ZNF506: variants seen among roughly 807,000 people sequenced by gnomAD.
ZNF506 encodes zinc finger protein 506.
Under a neutral mutation model 11.6 loss-of-function variants are expected in ZNF506, and 10 were observed. The ratio of observed to expected loss-of-function variants is 0.86; its 90% CI spans 0.53 to 1.46. The LOEUF (loss-of-function observed/expected upper bound fraction) is 1.46. Ranked by LOEUF, ZNF506 falls within the 40% of genes most tolerant of loss-of-function variation. The probability of loss-of-function intolerance (pLI) is 0.00; values close to 1 mark genes in which losing one functional copy is unlikely to be tolerated. For synonymous variants in ZNF506, 156 were observed against 173.3 expected (o/e 0.90, Z 0.78); for missense variants, 425 against 521.2 (o/e 0.82, Z 1.80).
In ZNF506 at chr19:19,795,356, T is replaced by C. The variant is rs2062731552; in HGVS notation, c.531A>G (p.Glu177=). 1 of 1,610,136 alleles carries C rather than the reference T, an allele frequency of 6.2e-7. No homozygotes were observed. Among genetic ancestry groups the C allele is most frequent in the African/African-American group, 1.3e-5 (1 of 74,710 alleles). The change falls in exon 4 of 4, where the codon GAA becomes GAG. Residue 177 remains glutamate (E), a synonymous_variant. Transcript: ENST00000540806. ...DTGKKSFKCI[E]YGKTFNQSST... is the part of the protein sequence containing the mutation. ...AAGACTGGTTAAAAGTTTTCCCATATTCTATACATTTAAAAGATTTTTTTC... is the reference window on the plus strand; with the variant it reads ...AAGACTGGTTAAAAGTTTTCCCATACTCTATACATTTAAAAGATTTTTTTC...
At chr19:19,800,391 A>AATATATATATATATATTTATTTATAT (rs1460340025) in intron 3 of ZNF506, among the ~76,000 whole-genome samples, 2 of 139,244 alleles carry the variant, frequency 1.4e-5, no homozygotes, top group Admixed American at 7.3e-5. Context: ...AACTAAACAG[A>AATATATATATATATATTTATTTATAT]ATATATATAT....
Position 19,813,574 on chromosome 19 carries a change from A to G in ZNF506, c.4-6506T>C, listed in dbSNP as rs181929174. 2.3e-4 allele frequency among the ~76,000 whole-genome samples: 35 copies of G among 151,062 alleles called. No individual in the cohort carries two copies. In the East Asian group the frequency reaches 6.5e-3, roughly 28 times the overall value. On this transcript the variant is annotated intron_variant, in intron 1 of 3. Coordinates refer to ENST00000540806, the MANE Select transcript of ZNF506 (RefSeq NM_001099269.3). ...GTATATACCCAAAGAAATATAAATTATATTATAAAGACACATCCACATGCA... is the reference window on the plus strand; with the variant it reads ...GTATATACCCAAAGAAATATAAATTGTATTATAAAGACACATCCACATGCA...
intron 2 of ZNF506, 98 bp from the exon 3 acceptor site, chr19:19,806,224 T>C: frequency 1.2e-6 from 1 of 856,414 alleles, no homozygotes; most frequent in Non-Finnish European, 1.6e-6. Context: ...AGTATTCTAG[T>C]AAATTAATAC....
chr19:19,808,630 A>C (rs1272533817), intron 1 of ZNF506, among the ~76,000 whole-genome samples: 1 of 151,300 alleles, frequency 6.6e-6, no homozygotes, highest in Non-Finnish European at 1.5e-5. Context: ...GCGGATCACG[A>C]GGTCATGAGT....
rs543566213 is a variant in ZNF506, at chr19:19,794,317, CAA to C, written c.*233_*234del. On this transcript the variant is annotated 3_prime_UTR_variant, in exon 4 of 4. Coordinates refer to ENST00000540806, the MANE Select transcript of ZNF506 (RefSeq NM_001099269.3). ...AAGAGTGAAACTCCATCTCAAAAAA[CAA>C]AAAGAGTTGACAGGTTGTTATAGGC... 207 of 378,482 alleles carry C rather than the reference CAA, an allele frequency of 5.5e-4. No individual in the cohort carries two copies. The highest frequency in any genetic ancestry group is 3.8e-3 in the African/African-American group (183 of 47,942). The allele number at this position is 378,482 out of a possible 1,614,324, so 23.4% of individuals were successfully genotyped here.
rs757160026 is a variant in ZNF506 at position 19,808,108 on chromosome 19, CTTTTTTTTTTTTTTTT to C, written c.4-1056_4-1041del. On this transcript the variant is annotated intron_variant, in intron 1 of 3. Coordinates refer to ENST00000540806, the MANE Select transcript of ZNF506 (RefSeq NM_001099269.3). ...ACTTAACCAAGTGAATCATTAACCA[CTTTTTTTTTTTTTTTT>C]TTTTTTTTTTTTTTTTTGAGACGGA... 2.6e-4 allele frequency among the ~76,000 whole-genome samples: 15 copies of C among 56,730 alleles called. 2 individuals are homozygous for C. The highest frequency in any genetic ancestry group is 9.3e-4 in the African/African-American group (12 of 12,936). 37.2% of individuals were successfully genotyped at this position (56,730 alleles called of 152,430 possible). A position where few individuals can be genotyped will look rare whatever the true frequency, so the allele number is the denominator to read the frequency against.
In ZNF506 at chr19:19,794,976, T is replaced by A; in HGVS notation, c.911A>T (p.Glu304Val). ...GGGTTTCTCTCCAGTATGAATTATC[T>A]CATGTTTAGTAAGGGTTGAGGATGA... ...FISSSTLTKH[E>V]IIHTGEKPYK... Residue 304 changes from glutamate to valine, a missense_variant, in exon 4 of 4, where the codon GAG becomes GTG. Physicochemically the swap from Glu to Val is moderately radical, Grantham distance 121. Around this residue, in one of 3 missense-constraint regions of ZNF506, gnomAD observed 192 missense variants for 215.7 expected, o/e 0.89. Transcript: ENST00000540806. The A allele has an allele frequency of 6.2e-7, 1 of 1,613,898 alleles. No individual in the cohort carries two copies. Among genetic ancestry groups the A allele is most frequent in the Non-Finnish European group, 8.5e-7 (1 of 1,180,006 alleles).
At chr19:19,807,367 G>A (rs927220775) in intron 1 of ZNF506, among the ~76,000 whole-genome samples, 12 of 152,122 alleles carry the variant, frequency 7.9e-5, no homozygotes, top group South Asian at 6.2e-4. Flanking sequence ...TACATCATAC[G>A]GAATGAGCAG....
chr19:19,814,529 T>A (rs900746177), intron 1 of ZNF506, among the ~76,000 whole-genome samples: 2 of 151,738 alleles, frequency 1.3e-5, no homozygotes, highest in African/African-American at 4.8e-5. Flanking sequence ...CAAAAGACAC[T>A]GAGGCCTAGT....
intron 3 of ZNF506, among the ~76,000 whole-genome samples, chr19:19,803,249 C>T (rs1467958669): frequency 6.6e-6 from 1 of 152,196 alleles, no homozygotes; most frequent in Non-Finnish European, 1.5e-5. Context: ...TCCTGCCATT[C>T]CAGAGACCTG....
intron 1 of ZNF506, among the ~76,000 whole-genome samples, chr19:19,819,620 T>A (rs912910501): frequency 6.6e-6 from 1 of 152,160 alleles, no homozygotes; most frequent in African/African-American, 2.4e-5. Flanking sequence ...ATCACCCTAT[T>A]AAGTTTCCAG....
Position 19,795,313 on chromosome 19 carries a change from T to C in ZNF506, c.574A>G (p.Lys192Glu). 2 of 1,613,904 alleles carry C rather than the reference T, an allele frequency of 1.2e-6. No individual in the cohort carries two copies. The highest frequency in any genetic ancestry group is 1.7e-4 in the Middle Eastern group (1 of 6,060). Residue 192 changes from lysine (K) to glutamate (E), a missense_variant, in exon 4 of 4, where the codon AAG becomes GAG. Lys to Glu is a moderately conservative substitution (Grantham distance 56, BLOSUM62 1). Around this residue, in one of 3 missense-constraint regions of ZNF506, gnomAD observed 226 missense variants for 279.1 expected, o/e 0.81. Transcript: ENST00000540806. ...CGTTTCTCTCCAGCATCAATTTTCT[T>C]ATATGTAGTACGGGTTGAAGACTGG... Reference protein sequence around the residue: ...FNQSSTRTTYKKIDAGEKRYK... With the variant: ...FNQSSTRTTYEKIDAGEKRYK...
At chr19:19,819,669 G>A (rs2062955197) in intron 1 of ZNF506, among the ~76,000 whole-genome samples, 1 of 152,064 alleles carries the variant, frequency 6.6e-6, no homozygotes, top group Non-Finnish European at 1.5e-5. Flanking sequence ...TAAGTTCTCT[G>A]GAAAAATAAA....
intron 3 of ZNF506, among the ~76,000 whole-genome samples, chr19:19,803,956 A>G (rs1223300002): frequency 6.6e-6 from 1 of 152,106 alleles, no homozygotes; most frequent in African/African-American, 2.4e-5. Flanking sequence ...GTACTTTTAC[A>G]TTTGCTGAGG....
chr19:19,806,385 T>C, intron 2 of ZNF506: 2 of 208,930 alleles, frequency 9.6e-6, no homozygotes, highest in South Asian at 1.5e-4. Flanking sequence ...GCCTCCTGAG[T>C]AGCTGGGATT....
At chr19:19,806,258 A>T (rs1005626212) in intron 2 of ZNF506, 132 bp from the exon 3 acceptor site, 16 of 631,832 alleles carry the variant, frequency 2.5e-5, no homozygotes, top group Middle Eastern at 5.6e-4. Context: ...TATAACAGAA[A>T]TTTTTTTTCT....
chr19:19,799,857 G>A, intron 3 of ZNF506, among the ~76,000 whole-genome samples: 1 of 135,390 alleles, frequency 7.4e-6, no homozygotes. Context: ...AAAAGACAAA[G>A]TACCCAACAG....
At chr19:19,795,781 A>G in intron 3 of ZNF506, 121 bp from the exon 4 acceptor site, 1 of 957,072 alleles carries the variant, frequency 1.0e-6, no homozygotes, top group Non-Finnish European at 1.5e-6. Context: ...AAATACCACA[A>G]GCTGTAATTT....
intron 1 of ZNF506, among the ~76,000 whole-genome samples, chr19:19,813,636 G>A (rs1206571860): frequency 1.3e-5 from 2 of 152,088 alleles, no homozygotes; most frequent in Non-Finnish European, 2.9e-5. Flanking sequence ...GCAAAGACAC[G>A]CACAGGCTGT....
Sources: allele counts gnomAD v4.1 joint callset (sites outside exome capture counted in the v4.1 genomes callset), GRCh38; gene constraint gnomAD v4.1.1; regional missense constraint gnomAD v4.1.1; transcripts MANE v1.5; gene names NCBI Gene and HGNC (gene_info 2026-07-23, HGNC 2026-07-21).